Variants in TFEC observed in about 807,000 individuals in gnomAD.
TFEC encodes the protein class E basic helix-loop-helix protein 34.
In TFEC, 31 loss-of-function variants were observed where a neutral mutation model predicts 41.6. The ratio of observed to expected loss-of-function variants is 0.74; its 90% CI spans 0.56 to 1.01. The LOEUF (loss-of-function observed/expected upper bound fraction) is 1.01. Among genes scored for constraint, TFEC ranks in the 50% least tolerant of loss-of-function variants. TFEC has a pLI of 0.00. For missense variants in TFEC, 402 were observed against 404.1 expected, an observed-to-expected ratio of 0.99 and a Z score of 0.04; for synonymous variants, 143 against 140.6, an observed-to-expected ratio of 1.02 and a Z score of -0.12.
At chr7:116,101,649 T>G (rs753044091) in intron 3 of TFEC, among the ~76,000 whole-genome samples, 4 of 149,630 alleles carry the variant, frequency 2.7e-5, no homozygotes, top group Non-Finnish European at 5.9e-5. Flanking sequence ...AAAGAAATTT[T>G]CACTTTTAAG....
At chr7:116,021,300 G>A (rs975200541) in intron 1 of TFEC, among the ~76,000 whole-genome samples, 3 of 152,166 alleles carry the variant, frequency 2.0e-5, no homozygotes, top group African/African-American at 7.2e-5. Flanking sequence ...AGTTACAAAT[G>A]ACTGAATTGG....
intron 3 of TFEC, among the ~76,000 whole-genome samples, chr7:115,971,129 T>TA (rs1793114914): frequency 6.6e-6 from 1 of 152,082 alleles, no homozygotes; most frequent in African/African-American, 2.4e-5. Flanking sequence ...TTCTCACTCT[T>TA]AGTCTGGGCA....
At chr7:116,073,678 A>G (rs1562959877) in intron 3 of TFEC, among the ~76,000 whole-genome samples, 1 of 151,964 alleles carries the variant, frequency 6.6e-6, no homozygotes, top group Non-Finnish European at 1.5e-5. Flanking sequence ...ATAGCCAAAC[A>G]AGTCTTGAAA....
chr7:116,095,657 T>C (rs1562967448), intron 3 of TFEC, among the ~76,000 whole-genome samples: 1 of 152,240 alleles, frequency 6.6e-6, no homozygotes, highest in Non-Finnish European at 1.5e-5. Context: ...ATCTGGCTTC[T>C]GTTCCCAAAT....
upstream of TFEC, among the ~76,000 whole-genome samples, chr7:116,035,553 C>T (rs1438717974): frequency 6.6e-6 from 1 of 151,232 alleles, no homozygotes; most frequent in Non-Finnish European, 1.5e-5. Context: ...TAATATTTAC[C>T]AAGAAGAATA....
At chr7:116,130,274 T>C (rs1206816670) in intron 1 of TFEC, among the ~76,000 whole-genome samples, 2 of 152,196 alleles carry the variant, frequency 1.3e-5, no homozygotes, top group Non-Finnish European at 2.9e-5. Context: ...AGACTATGAA[T>C]TTCATGAGAG....
At chr7:115,969,562 G>A (rs1443681691) in intron 3 of TFEC, among the ~76,000 whole-genome samples, 1 of 151,952 alleles carries the variant, frequency 6.6e-6, no homozygotes, top group Non-Finnish European at 1.5e-5. Context: ...GAGAAAGGAT[G>A]CCATTGAATC....
chr7:115,939,356 T>A lies in TFEC; in HGVS notation c.*1195A>T, dbSNP rs1793376670. On this transcript the variant is annotated 3_prime_UTR_variant, in exon 8 of 8. Coordinates refer to ENST00000265440, the MANE Select transcript of TFEC (RefSeq NM_012252.4). ...CTAAAACAAGCGCAAGAGATAAAAA[T>A]CTAAATGAAGCATCATAGTTATAAG... 1 of 151,964 alleles carries A rather than the reference T, an allele frequency of 6.6e-6. No individual in the cohort carries two copies. Among genetic ancestry groups the A allele is most frequent in the Admixed American group, 6.6e-5 (1 of 15,238 alleles). The allele number at this position is 151,964 out of a possible 1,614,324, so 9.4% of individuals were successfully genotyped here. A position where few individuals can be genotyped will look rare whatever the true frequency, so the allele number is the denominator to read the frequency against.
intron 1 of TFEC, among the ~76,000 whole-genome samples, chr7:116,155,078 AC>A (rs1200533636): frequency 6.6e-6 from 1 of 152,076 alleles, no homozygotes; most frequent in Non-Finnish European, 1.5e-5. Context: ...CAATGCTTTC[AC>A]CAGTTATGTA....
intron 1 of TFEC, among the ~76,000 whole-genome samples, chr7:115,997,714 G>A (rs117919356): frequency 0.015 from 2,235 of 152,186 alleles, 31 homozygotes; most frequent in Non-Finnish European, 0.023. Context: ...AGACAAAATG[G>A]AGAAGCAATT....
At chr7:115,997,992 T>A (rs1371124757) in intron 1 of TFEC, among the ~76,000 whole-genome samples, 1 of 152,096 alleles carries the variant, frequency 6.6e-6, no homozygotes, top group African/African-American at 2.4e-5. Flanking sequence ...CTAAGAGTTA[T>A]TGGCCTTAAA....
intron 2 of TFEC, among the ~76,000 whole-genome samples, chr7:115,981,726 A>G (rs1793639766): frequency 6.6e-6 from 1 of 152,242 alleles, no homozygotes. Flanking sequence ...CGCTAAGCCC[A>G]GACAGAGCAT....
At chr7:116,114,910 G>A (rs982940132) in intron 1 of TFEC, among the ~76,000 whole-genome samples, 1 of 151,742 alleles carries the variant, frequency 6.6e-6, no homozygotes, top group Non-Finnish European at 1.5e-5. Context: ...CCACCCCCCA[G>A]TAATGGGGAG....
intron 3 of TFEC, among the ~76,000 whole-genome samples, chr7:116,068,987 A>G (rs112973820): frequency 0.038 from 5,724 of 151,834 alleles, 134 homozygotes; most frequent in African/African-American, 0.052. Context: ...AATAGAAAAC[A>G]TAGGCAAATA....
At chr7:116,041,978 A>G (rs1796048042) in intron 3 of TFEC, among the ~76,000 whole-genome samples, 1 of 152,112 alleles carries the variant, frequency 6.6e-6, no homozygotes, top group South Asian at 2.1e-4. Context: ...AATCTGATAC[A>G]AAGCTACAAA....
intron 1 of TFEC, among the ~76,000 whole-genome samples, chr7:116,008,866 C>A (rs967679124): frequency 1.3e-5 from 2 of 152,078 alleles, no homozygotes; most frequent in African/African-American, 4.8e-5. Context: ...ATTATATAAT[C>A]CAAAGCTATT....
intron 3 of TFEC, among the ~76,000 whole-genome samples, chr7:115,958,365 G>C (rs1053155725): frequency 6.6e-6 from 1 of 151,786 alleles, no homozygotes; most frequent in South Asian, 2.1e-4. Context: ...TTTTTGAAAG[G>C]CCTGTTGGTT....
At chr7:116,121,118 A>G (rs1798099403) in intron 1 of TFEC, among the ~76,000 whole-genome samples, 1 of 152,026 alleles carries the variant, frequency 6.6e-6, no homozygotes, top group Non-Finnish European at 1.5e-5. Context: ...AGGATCATTC[A>G]TAAGAGCCAA....
chr7:116,020,997 TCTC>T (rs1266516674), intron 1 of TFEC, among the ~76,000 whole-genome samples: 1 of 152,194 alleles, frequency 6.6e-6, no homozygotes, highest in Non-Finnish European at 1.5e-5. Context: ...CTCATTATGT[TCTC>T]CTCATAAAAT....
Sources: allele counts gnomAD v4.1 joint callset (sites outside exome capture counted in the v4.1 genomes callset), GRCh38; gene constraint gnomAD v4.1.1; transcripts MANE v1.5; gene names NCBI Gene and HGNC (gene_info 2026-07-23, HGNC 2026-07-21).